The following TASP1 variants were observed in gnomAD, a reference collection of about 807,000 sequenced individuals.
TASP1 encodes threonine aspartase 1.
Under a neutral mutation model 56.6 loss-of-function variants are expected in TASP1, and 16 were observed. The ratio of observed to expected loss-of-function variants is 0.28; its 90% confidence interval spans 0.19 to 0.43. TASP1 has a LOEUF of 0.43. Among genes scored for constraint, TASP1 ranks in the 20% least tolerant of loss-of-function variants. The probability of loss-of-function intolerance (pLI) is 1.00; values close to 1 mark genes in which losing one functional copy is unlikely to be tolerated. For missense variants in TASP1, 393 were observed against 511.6 expected (o/e 0.77, Z 2.24); for synonymous variants, 179 against 184.2 (o/e 0.97, Z 0.23).
chr20:13,135,543 A>G, the TASP1 span, among the ~76,000 whole-genome samples: 27 of 152,350 alleles, frequency 1.8e-4, no homozygotes, highest in Admixed American at 1.6e-3. Context: ...CAGCTGTTTC[A>G]TGAAACAGCA....
chr20:13,617,589 G>C (rs576289710), intron 4 of TASP1, among the ~76,000 whole-genome samples: 1 of 152,150 alleles, frequency 6.6e-6, no homozygotes, highest in South Asian at 2.1e-4. Context: ...GAAAGAGCAA[G>C]GGACCACTCT....
chr20:13,580,899 G>C lies in TASP1; in HGVS notation c.486C>G (p.Pro162=), dbSNP rs765464426. The change falls in exon 6 of 14, where the codon CCC becomes CCG. Residue 162 remains proline (P), a splice_region_variant and synonymous_variant. Transcript: ENST00000337743. ...KGKLSAGRIP[P]CFLVGEGAYR... ...GTCAGGAAGAACAAAGTGGTTACCA[G>C]GGAGGAATTCTGCCAGCCGAGAGCT... 12 of 1,613,322 alleles carry C rather than the reference G, an allele frequency of 7.4e-6. No individual in the cohort carries two copies. The Admixed American group carries it at 2.0e-4, about 27-fold the overall frequency.
the TASP1 span, among the ~76,000 whole-genome samples, chr20:13,310,755 G>A: frequency 6.6e-6 from 1 of 152,158 alleles, no homozygotes; most frequent in Non-Finnish European, 1.5e-5. Context: ...GTGAGCAAAG[G>A]ACCTGAATAG....
intron 4 of TASP1, among the ~76,000 whole-genome samples, chr20:13,595,919 A>G (rs1042948871): frequency 6.6e-6 from 1 of 152,206 alleles, no homozygotes; most frequent in Non-Finnish European, 1.5e-5. Flanking sequence ...TCAACAGAAT[A>G]TACATTCTTC....
chr20:13,614,999 T>G (rs1057271939), intron 4 of TASP1: 10 of 280,536 alleles, frequency 3.6e-5, no homozygotes, highest in South Asian at 1.2e-4. Flanking sequence ...TATGGAAACA[T>G]CACTCAAGAA....
chr20:13,150,652 C>T, the TASP1 span, among the ~76,000 whole-genome samples: 17 of 152,312 alleles, frequency 1.1e-4, no homozygotes, highest in South Asian at 3.3e-3. Flanking sequence ...TACTCCTACT[C>T]CTTCCAATCA....
rs563419783 is a variant in TASP1, at chr20:13,492,655, T to C, written c.875-9318A>G. Among the ~76,000 whole-genome samples, 14 of 152,352 alleles carry C rather than the reference T, an allele frequency of 9.2e-5. No individual in the cohort carries two copies. The South Asian group carries it at 2.9e-3, about 32-fold the overall frequency. On this transcript the variant is annotated intron_variant, in intron 10 of 13. Transcript: ENST00000337743. ...CTAATCCAGTCACATCTTAAGGTTA[T>C]AGCTCACCGACACATATTTAGCGTT...
At chr20:13,491,345 G>A (rs1355750554) in intron 10 of TASP1, among the ~76,000 whole-genome samples, 1 of 151,938 alleles carries the variant, frequency 6.6e-6, no homozygotes, top group Non-Finnish European at 1.5e-5. Context: ...CAGGTTTATT[G>A]CCCGACTTAA....
chr20:13,207,433 C>A, the TASP1 span, among the ~76,000 whole-genome samples: 3 of 152,196 alleles, frequency 2.0e-5, no homozygotes, highest in African/African-American at 7.2e-5. Flanking sequence ...TAGACATAGA[C>A]AGACACAGTC....
the TASP1 span, among the ~76,000 whole-genome samples, chr20:13,223,448 A>G: frequency 6.6e-6 from 1 of 152,236 alleles, no homozygotes; most frequent in African/African-American, 2.4e-5. Flanking sequence ...CCTCATTTAC[A>G]GATGCAAAAA....
the TASP1 span, chr20:13,300,579 G>A: frequency 6.6e-6 from 1 of 152,054 alleles, no homozygotes; most frequent in Non-Finnish European, 1.5e-5. Flanking sequence ...AAATAAAGTT[G>A]GTTCTTATTC....
chr20:13,334,899 AG>A, the TASP1 span, among the ~76,000 whole-genome samples: 1 of 152,356 alleles, frequency 6.6e-6, no homozygotes, highest in South Asian at 2.1e-4. Flanking sequence ...CATTTTTGGA[AG>A]GTGAGAAATG....
chr20:13,205,710 A>G, the TASP1 span, among the ~76,000 whole-genome samples: 1 of 152,074 alleles, frequency 6.6e-6, no homozygotes, highest in East Asian at 1.9e-4. Context: ...ATGCCATCAC[A>G]TTGGGGATTA....
chr20:13,117,706 G>C, the TASP1 span: 1 of 1,611,804 alleles, frequency 6.2e-7, no homozygotes, highest in South Asian at 1.1e-5. Context: ...GCTTCAGGAG[G>C]TTACATAGCT....
chr20:13,226,700 T>C, the TASP1 span, among the ~76,000 whole-genome samples: 1 of 152,210 alleles, frequency 6.6e-6, no homozygotes, highest in Non-Finnish European at 1.5e-5. Context: ...CTCCATATAA[T>C]CTCTCATCCT....
Position 13,390,179 on chromosome 20 carries a change from C to T in TASP1, c.*181G>A. 2 of 574,996 alleles carry T rather than the reference C, an allele frequency of 3.5e-6. No individual in the cohort carries two copies. The highest frequency in any genetic ancestry group is 6.0e-5 in the East Asian group (2 of 33,246). The allele number at this position is 574,996 out of a possible 1,614,324, so 35.6% of individuals were successfully genotyped here. A position where few individuals can be genotyped will look rare whatever the true frequency, so the allele number is the denominator to read the frequency against. On this transcript the variant is annotated 3_prime_UTR_variant, in exon 14 of 14. Transcript: ENST00000337743. Reference sequence around the variant, plus strand: ...ACACACTCACACACAGTCCCGCTCACCCACCAAAGGCCCGCGTGTCACTAA... The same window carrying T: ...ACACACTCACACACAGTCCCGCTCATCCACCAAAGGCCCGCGTGTCACTAA...
At chr20:13,474,880 T>C (rs1295618883) in intron 11 of TASP1, among the ~76,000 whole-genome samples, 3 of 152,204 alleles carry the variant, frequency 2.0e-5, no homozygotes, top group East Asian at 3.8e-4. Flanking sequence ...ATTTCCCTAA[T>C]GATTAGTGAT....
At chr20:13,471,952 A>G (rs1398010307) in intron 11 of TASP1, among the ~76,000 whole-genome samples, 1 of 152,180 alleles carries the variant, frequency 6.6e-6, no homozygotes, top group Non-Finnish European at 1.5e-5. Context: ...ATCTCCATCA[A>G]GCTACCAATG....
chr20:13,521,015 A>G (rs1183722007), intron 10 of TASP1, among the ~76,000 whole-genome samples: 1 of 152,238 alleles, frequency 6.6e-6, no homozygotes, highest in Non-Finnish European at 1.5e-5. Flanking sequence ...CAAAAGACAC[A>G]TGAAAAAATG....
Sources: allele counts gnomAD v4.1 joint callset (sites outside exome capture counted in the v4.1 genomes callset), GRCh38; gene constraint gnomAD v4.1.1; transcripts MANE v1.5; gene names NCBI Gene and HGNC (gene_info 2026-07-23, HGNC 2026-07-21).